Variants in DYNC2H1 observed in about 807,000 individuals in gnomAD.
The protein encoded by DYNC2H1 is dynein cytoplasmic 2 heavy chain 1.
A neutral mutation model predicts 570.0 loss-of-function variants in DYNC2H1; 410 were observed. The ratio of observed to expected loss-of-function variants is 0.72; its 90% confidence interval spans 0.66 to 0.78. The LOEUF (loss-of-function observed/expected upper bound fraction) is 0.78. Ranked by LOEUF, DYNC2H1 falls within the 30% of genes least tolerant of loss-of-function variation. The pLI is 0.00. For missense variants in DYNC2H1, 4,865 were observed against 5,046.4 expected, an observed-to-expected ratio of 0.96 and a Z score of 1.09; for synonymous variants, 1,688 against 1,677.6, an observed-to-expected ratio of 1.01 and a Z score of -0.15.
intron 84 of DYNC2H1, chr11:103,409,569 T>A (rs1942998320): frequency 1.3e-5 from 2 of 152,294 alleles, no homozygotes; most frequent in South Asian, 4.1e-4. Context: ...GACTAAGTAA[T>A]TCTGTGGGTA....
rs775811738 is a variant in DYNC2H1 at position 103,122,828 on chromosome 11, G to C, written c.1489G>C (p.Asp497His). ...VWVRQLELKV[D>H]DTIKIAEALL... Reference sequence around the variant, plus strand: ...GTCTGTAATTTGGCTTTTTAAGGTAGATGATACTATCAAGATTGCAGAGGC... The same window carrying C: ...GTCTGTAATTTGGCTTTTTAAGGTACATGATACTATCAAGATTGCAGAGGC... The change falls in exon 11 of 89, where the codon GAT becomes CAT. Residue 497 changes from aspartate to histidine, a missense_variant. This residue lies in a region of DYNC2H1 where 1,936 missense variants were observed against 1,962.1 expected (regional missense o/e 0.99). Transcript: ENST00000375735. The C allele has an allele frequency of 6.2e-7, 1 of 1,611,848 alleles. No individual in the cohort carries two copies. The highest frequency in any genetic ancestry group is 1.3e-5 in the African/African-American group (1 of 74,984).
Position 103,244,828 on chromosome 11 carries a change from A to G in DYNC2H1, c.9919-423A>G, listed in dbSNP as rs1051917793. The stretch of plus-strand genomic sequence containing the variant: ...CATAGTTATAGACATATAAGTAACT[A>G]TATAGTTACTTTTATATATATGTAC... On this transcript the variant is annotated intron_variant, in intron 64 of 88. Coordinates refer to ENST00000375735, the MANE Select transcript of DYNC2H1 (RefSeq NM_001377.3). This position sits in a 1 kb window ranked among gnomAD's most constrained non-coding sequence, Gnocchi z 4.3. 2.0e-5 allele frequency among the ~76,000 whole-genome samples: 3 copies of G among 150,562 alleles called. No individual in the cohort carries two copies. In the Admixed American group the frequency reaches 2.0e-4, roughly 10 times the overall value.
chr11:103,318,277 T>C (rs1410873714), intron 80 of DYNC2H1, among the ~76,000 whole-genome samples: 1 of 152,168 alleles, frequency 6.6e-6, no homozygotes, highest in Non-Finnish European at 1.5e-5. Context: ...AATCTACTCA[T>C]GTAATGTTGC....
rs151156076 is a variant in DYNC2H1 at position 103,286,330 on chromosome 11, A to G, written c.10966A>G (p.Met3656Val). The G allele has an allele frequency of 1.1e-3, 1,708 of 1,613,738 alleles. 14 individuals are homozygous for G. In the African/African-American group the frequency reaches 0.02, roughly 19 times the overall value. Residue 3656 changes from methionine (M) to valine (V), a missense_variant, in exon 74 of 89, where the codon ATG becomes GTG. Coordinates refer to ENST00000375735, the MANE Select transcript of DYNC2H1 (RefSeq NM_001377.3). ...ALWRTYYNNSMCEQEFPSILA... is the reference protein window; with the variant it reads ...ALWRTYYNNSVCEQEFPSILA... ...GTGGCGTACTTATTATAATAATTCA[A>G]TGTGTGAGCAAGAGTTTCCATCTAT...
intron 84 of DYNC2H1, among the ~76,000 whole-genome samples, chr11:103,432,507 C>G (rs529528563): frequency 6.6e-6 from 1 of 152,228 alleles, no homozygotes; most frequent in Admixed American, 6.5e-5. Flanking sequence ...TTAGTAGTTC[C>G]TAGGCCAAAT....
chr11:103,149,175 T>G (rs931423126), intron 20 of DYNC2H1, among the ~76,000 whole-genome samples: 1 of 152,244 alleles, frequency 6.6e-6, no homozygotes, highest in African/African-American at 2.4e-5. Context: ...ATGTGGCATA[T>G]TAGAGTAAGA....
In DYNC2H1 at chr11:103,156,670, A is replaced by C; in HGVS notation, c.4027A>C (p.Asn1343His). The C allele has an allele frequency of 3.1e-6, 5 of 1,613,336 alleles. No homozygotes were observed. Among genetic ancestry groups the C allele is most frequent in the Non-Finnish European group, 4.2e-6 (5 of 1,179,680 alleles). The change falls in exon 26 of 89, where the codon AAT (asparagine) becomes CAT (histidine). Residue 1343 changes from asparagine to histidine, a missense_variant. Coordinates refer to ENST00000375735, the MANE Select transcript of DYNC2H1 (RefSeq NM_001377.3). ...AELDEYLQNL[N>H]HIQRKWVYLE... ...GTTAGATGAATACCTGCAGAATTTA[A>C]ATCATATTCAGAGAAAGTGGGTGTA...
At chr11:103,403,710 A>G (rs1378595962) in intron 84 of DYNC2H1, 2 of 152,036 alleles carry the variant, frequency 1.3e-5, no homozygotes, top group African/African-American at 2.4e-5. Context: ...TCTTCGGATG[A>G]GACTAATATA....
intron 84 of DYNC2H1, among the ~76,000 whole-genome samples, chr11:103,428,212 A>C (rs1442998412): frequency 7.4e-6 from 1 of 135,970 alleles, no homozygotes; most frequent in African/African-American, 2.8e-5. Context: ...AGAATATCTG[A>C]AAGAGAGGAG....
rs1356037131 is a variant in DYNC2H1, at chr11:103,462,731, T to TATAC, written c.12649-5857_12649-5856insTACA. Among the ~76,000 whole-genome samples the TATAC allele has an allele frequency of 9.8e-5, 15 of 152,374 alleles. No homozygotes were observed. In the South Asian group the frequency reaches 1.4e-3, roughly 15 times the overall value. ...GCAGTGTCCAGTGACATTTTCTCTT[T>TATAC]AAGTATCATTGTGAGCTTCTTGTAT... On this transcript the variant is annotated intron_variant, in intron 87 of 88. Transcript: ENST00000375735.
In DYNC2H1 at chr11:103,354,807, C is replaced by CTT. The variant is rs10718561; in HGVS notation, c.12040-3422_12040-3421dup. Among the ~76,000 whole-genome samples, 44 of 141,164 alleles carry CTT rather than the reference C, an allele frequency of 3.1e-4. 1 individual carries two copies. The East Asian group carries it at 6.7e-3, about 21-fold the overall frequency. The allele number at this position is 141,164 out of a possible 152,430, so 92.6% of individuals were successfully genotyped here. ...TATTATTTCTAGCTTCTTGTAAGAT[C>CTT]TTTTTTTTTTTTTTTCCTCAATGTT... On this transcript the variant is annotated intron_variant, in intron 82 of 88. Coordinates refer to ENST00000375735, the MANE Select transcript of DYNC2H1 (RefSeq NM_001377.3).
chr11:103,384,155 A>C (rs1466945604), intron 83 of DYNC2H1, among the ~76,000 whole-genome samples: 2 of 152,162 alleles, frequency 1.3e-5, no homozygotes, highest in African/African-American at 2.4e-5. Flanking sequence ...AAAATGTTTT[A>C]ATTCAAAGCT....
chr11:103,300,884 A>C (rs1867018700), intron 75 of DYNC2H1, among the ~76,000 whole-genome samples: 1 of 143,486 alleles, frequency 7.0e-6, no homozygotes, highest in Non-Finnish European at 1.6e-5. Flanking sequence ...TTCCAAATAA[A>C]ATACACTTAA....
rs2135264988 is a variant in DYNC2H1, at chr11:103,256,900, C to G, written c.10461+660C>G. ...TGATCACAAATATTTACCATTTCAT[C>G]TTACCCACTTTCCCCTAATACTAGT... On this transcript the variant is annotated intron_variant, in intron 68 of 88. Coordinates refer to ENST00000375735, the MANE Select transcript of DYNC2H1 (RefSeq NM_001377.3). The surrounding 1 kb of genome is among the most constrained non-coding windows in gnomAD (Gnocchi z 4.0). 6.6e-6 allele frequency among the ~76,000 whole-genome samples: 1 copy of G among 152,320 alleles called. No homozygotes were observed. The highest frequency in any genetic ancestry group is 1.5e-5 in the Non-Finnish European group (1 of 68,036).
At chr11:103,333,453 CA>C (rs1938933746) in intron 82 of DYNC2H1, among the ~76,000 whole-genome samples, 1 of 152,044 alleles carries the variant, frequency 6.6e-6, no homozygotes, top group Non-Finnish European at 1.5e-5. Context: ...TTAGTAGAGA[CA>C]GGGGTTTCAC....
At chr11:103,386,905 G>C (rs1465443206) in intron 83 of DYNC2H1, among the ~76,000 whole-genome samples, 1 of 150,110 alleles carries the variant, frequency 6.7e-6, no homozygotes, top group African/African-American at 2.4e-5. Flanking sequence ...TATCGTTGTT[G>C]GACATTTGGG....
chr11:103,238,405 C>A (rs1864302855), intron 63 of DYNC2H1, among the ~76,000 whole-genome samples: 1 of 152,012 alleles, frequency 6.6e-6, no homozygotes, highest in South Asian at 2.1e-4. Context: ...CCTGTCTCTA[C>A]TAGAAATATA....
chr11:103,376,878 T>G (rs903086396), intron 83 of DYNC2H1, among the ~76,000 whole-genome samples: 82 of 152,342 alleles, frequency 5.4e-4, no homozygotes, highest in South Asian at 2.1e-3. Flanking sequence ...TTATTTCTCC[T>G]TCATTTCTGG....
chr11:103,362,164 A>C (rs1940674620), intron 83 of DYNC2H1, among the ~76,000 whole-genome samples: 1 of 152,164 alleles, frequency 6.6e-6, no homozygotes, highest in South Asian at 2.1e-4. Context: ...GGTTGGTTTT[A>C]GGCTAATGAG....
Sources: allele counts gnomAD v4.1 joint callset (sites outside exome capture counted in the v4.1 genomes callset), GRCh38; gene constraint gnomAD v4.1.1; regional missense constraint gnomAD v4.1.1; non-coding constraint Gnocchi (gnomAD v3.1); transcripts MANE v1.5; gene names NCBI Gene and HGNC (gene_info 2026-07-23, HGNC 2026-07-21).